The following GRIN2A variants were observed in gnomAD, a reference collection of about 807,000 sequenced individuals.
The protein encoded by GRIN2A is glutamate receptor ionotropic, NMDA 2A.
GRIN2A carries 22 observed loss-of-function variants against 113.4 expected under a neutral mutation model. That is an observed-to-expected ratio of 0.19 (90% confidence interval 0.14 to 0.28). The LOEUF (loss-of-function observed/expected upper bound fraction) is 0.28. GRIN2A is among the 10% of genes least tolerant of loss of function. The pLI is 1.00. For synonymous variants in GRIN2A, 827 were observed against 738.4 expected, an observed-to-expected ratio of 1.12 and a Z score of -1.94; for missense variants, 1,502 against 1,887.0, an observed-to-expected ratio of 0.80 and a Z score of 3.78.
At chr16:10,130,848 G>T (rs150229396) in intron 2 of GRIN2A, among the ~76,000 whole-genome samples, 1 of 152,302 alleles carries the variant, frequency 6.6e-6, no homozygotes, top group African/African-American at 2.4e-5. Flanking sequence ...AAAATGGATT[G>T]TGCTAACATA....
chr16:9,967,791 A>G (rs34310826), intron 2 of GRIN2A, among the ~76,000 whole-genome samples: 47,574 of 151,950 alleles, frequency 0.31, 7,913 homozygotes, highest in African/African-American at 0.36. Context: ...TACAATAGTT[A>G]GTAGTCTTAG....
At chr16:10,177,643 C>G (rs2050175155) in intron 2 of GRIN2A, among the ~76,000 whole-genome samples, 1 of 152,338 alleles carries the variant, frequency 6.6e-6, no homozygotes, top group Non-Finnish European at 1.5e-5. Flanking sequence ...AGTGAGGTCA[C>G]ATTTTGGTCC....
At chr16:9,805,519 C>T (rs529608204) in intron 10 of GRIN2A, 2 of 152,050 alleles carry the variant, frequency 1.3e-5, no homozygotes, top group Non-Finnish European at 2.9e-5. Context: ...CACATTAGCA[C>T]TTGAGGTCAG....
intron 2 of GRIN2A, among the ~76,000 whole-genome samples, chr16:10,002,648 AG>A (rs1481657660): frequency 6.6e-6 from 1 of 152,214 alleles, no homozygotes; most frequent in East Asian, 1.9e-4. Context: ...AGATGAGCGA[AG>A]GGTTACCACC....
chr16:9,954,299 G>A (rs989621812), intron 2 of GRIN2A, among the ~76,000 whole-genome samples: 1 of 152,100 alleles, frequency 6.6e-6, no homozygotes, highest in African/African-American at 2.4e-5. Context: ...AGTGTGTCTT[G>A]TTCCCCAGAG....
chr16:9,797,233 G>T (rs956310907), intron 11 of GRIN2A, among the ~76,000 whole-genome samples: 1 of 152,196 alleles, frequency 6.6e-6, no homozygotes, highest in South Asian at 2.1e-4. Flanking sequence ...TTTGAACGGG[G>T]CTTCTGCCCT....
Position 10,179,992 on chromosome 16 carries a change from C to T in GRIN2A, c.414+6G>A. 6.2e-7 allele frequency: 1 copy of T among 1,613,826 alleles called. No homozygotes were observed. Among genetic ancestry groups the T allele is most frequent in the Non-Finnish European group, 8.5e-7 (1 of 1,179,808 alleles). On this transcript the variant is annotated splice_donor_region_variant and intron_variant, in intron 2 of 12. Transcript: ENST00000330684. Reference sequence around the variant, plus strand: ...GTCCTGGCAGGGCATCAGTTTCCGGCCTTACCTTGTCAGCCATGATCATAG... The same window carrying T: ...GTCCTGGCAGGGCATCAGTTTCCGGTCTTACCTTGTCAGCCATGATCATAG...
At chr16:10,162,725 G>C (rs527489150) in intron 2 of GRIN2A, among the ~76,000 whole-genome samples, 256 of 152,280 alleles carry the variant, frequency 1.7e-3, no homozygotes, top group African/African-American at 5.9e-3. Flanking sequence ...AGATACTAGG[G>C]GTTAGGACCC....
rs1902184501 is a variant in GRIN2A at position 9,785,502 on chromosome 16, A to G, written c.2356+12775T>C. 2.6e-5 allele frequency among the ~76,000 whole-genome samples: 4 copies of G among 151,852 alleles called. No homozygotes were observed. In the South Asian group the frequency reaches 8.4e-4, roughly 32 times the overall value. On this transcript the variant is annotated intron_variant, in intron 11 of 12. Transcript: ENST00000330684. ...ATACCTAATGTTAAATGACGAGTTAATGGGTACAGCACACCAACATGGCAC... is the reference window on the plus strand; with the variant it reads ...ATACCTAATGTTAAATGACGAGTTAGTGGGTACAGCACACCAACATGGCAC...
chr16:10,106,939 C>T (rs939116577), intron 2 of GRIN2A, among the ~76,000 whole-genome samples: 3 of 152,036 alleles, frequency 2.0e-5, no homozygotes, highest in Non-Finnish European at 2.9e-5. Flanking sequence ...CCTCCATTTT[C>T]AGAGGAAGAA....
intron 2 of GRIN2A, among the ~76,000 whole-genome samples, chr16:10,119,562 G>A (rs1305821857): frequency 6.6e-6 from 1 of 152,136 alleles, no homozygotes; most frequent in Non-Finnish European, 1.5e-5. Flanking sequence ...GTTCTCAACA[G>A]GGAAAGATTA....
intron 2 of GRIN2A, among the ~76,000 whole-genome samples, chr16:9,967,317 T>C (rs1021102231): frequency 3.8e-4 from 58 of 152,204 alleles, no homozygotes; most frequent in Non-Finnish European, 1.2e-4. Context: ...TGGAAGCCAT[T>C]ATTCGAAGCG....
At chr16:9,970,559 G>A (rs1265455168) in intron 2 of GRIN2A, among the ~76,000 whole-genome samples, 1 of 152,132 alleles carries the variant, frequency 6.6e-6, no homozygotes, top group Non-Finnish European at 1.5e-5. Flanking sequence ...CTGCTGGAGG[G>A]CCCTAGAAAG....
intron 2 of GRIN2A, among the ~76,000 whole-genome samples, chr16:10,081,981 T>A (rs1226407995): frequency 6.6e-6 from 1 of 152,210 alleles, no homozygotes; most frequent in Non-Finnish European, 1.5e-5. Context: ...ATGTGTCAAC[T>A]TATAGAACCC....
chr16:9,917,987 C>G (rs1011324208), intron 3 of GRIN2A, among the ~76,000 whole-genome samples: 2 of 152,068 alleles, frequency 1.3e-5, no homozygotes, highest in Admixed American at 1.3e-4. Context: ...TTCTATTTTC[C>G]TTGGTTATTC....
At chr16:10,099,769 G>T (rs1300924093) in intron 2 of GRIN2A, among the ~76,000 whole-genome samples, 1 of 152,146 alleles carries the variant, frequency 6.6e-6, no homozygotes, top group Admixed American at 6.5e-5. Context: ...CCAAATAGAA[G>T]GAACTCTGCT....
At chr16:9,860,853 G>A (rs912977116) in intron 4 of GRIN2A, among the ~76,000 whole-genome samples, 6 of 152,104 alleles carry the variant, frequency 3.9e-5, no homozygotes, top group African/African-American at 2.4e-5. Context: ...CCTCAACCAC[G>A]TGATCCATGT....
intron 2 of GRIN2A, among the ~76,000 whole-genome samples, chr16:10,063,044 T>A (rs1282356226): frequency 6.6e-6 from 1 of 151,970 alleles, no homozygotes; most frequent in Non-Finnish European, 1.5e-5. Flanking sequence ...TACACAGCCA[T>A]AAAAAAGAAC....
intron 2 of GRIN2A, among the ~76,000 whole-genome samples, chr16:10,009,335 C>A (rs1482698640): frequency 1.3e-5 from 2 of 152,066 alleles, no homozygotes; most frequent in Non-Finnish European, 2.9e-5. Flanking sequence ...ATCATAGAAA[C>A]ACAATAGAGT....
Sources: gnomAD v4.1 joint callset for allele counts (sites outside exome capture counted in the v4.1 genomes callset) on GRCh38, gnomAD v4.1.1 for gene constraint, MANE v1.5 for transcripts, NCBI Gene and HGNC (gene_info 2026-07-23, HGNC 2026-07-21) for gene names.